The following SEC24B variants were observed in gnomAD, a reference collection of about 807,000 sequenced individuals.
SEC24B encodes SEC24 homolog B, COPII component.
In SEC24B, 45 loss-of-function variants were observed where a neutral mutation model predicts 142.8. That is an observed-to-expected ratio of 0.32 (90% CI 0.25 to 0.40). The LOEUF (loss-of-function observed/expected upper bound fraction) is 0.40, where lower values mean the gene tolerates loss of function less well. Among genes scored for constraint, SEC24B ranks in the 10% least tolerant of loss-of-function variants. SEC24B has a pLI of 1.00. For missense variants in SEC24B, 1,409 were observed against 1,526.8 expected (o/e 0.92, Z 1.29); for synonymous variants, 574 against 568.2 (o/e 1.01, Z -0.15).
chr4:109,479,560 T>C (rs1160563142), intron 3 of SEC24B, among the ~76,000 whole-genome samples: 1 of 152,110 alleles, frequency 6.6e-6, no homozygotes, highest in African/African-American at 2.4e-5. Context: ...CTGTATGTGC[T>C]ATACCCAACC....
At chr4:109,524,323 A>G (rs1216272889) in intron 14 of SEC24B, among the ~76,000 whole-genome samples, 1 of 152,168 alleles carries the variant, frequency 6.6e-6, no homozygotes, top group Non-Finnish European at 1.5e-5. Context: ...ATGTTGTATG[A>G]TGATTAAGAA....
chr4:109,510,100 A>G lies in SEC24B; in HGVS notation c.1765A>G (p.Arg589Gly), dbSNP rs1215200036. ...TTTAGGATTGTTGTTACATCCCTTC[A>G]GAGACCTAACGGTAAAGTAACATTT... ...LPLGLLLHPF[R>G]DLTQLPVITS... Residue 589 changes from arginine to glycine, a missense_variant, in exon 8 of 24, where the codon AGA becomes GGA. By Grantham distance (125) the Arg-to-Gly change is moderately radical. Coordinates refer to ENST00000265175, the MANE Select transcript of SEC24B (RefSeq NM_006323.5). The G allele has an allele frequency of 3.2e-6, 5 of 1,586,458 alleles. No individual in the cohort carries two copies. The highest frequency in any genetic ancestry group is 4.3e-6 in the Non-Finnish European group (5 of 1,159,668).
At chr4:109,434,575 A>G (rs1396959679) in intron 1 of SEC24B, among the ~76,000 whole-genome samples, 1 of 152,204 alleles carries the variant, frequency 6.6e-6, no homozygotes, top group Non-Finnish European at 1.5e-5. Context: ...TTGTAGACAA[A>G]AGGGTGTAAA....
Position 109,521,106 on chromosome 4 carries a change from T to G in SEC24B, c.2246-11T>G, listed in dbSNP as rs1213032660. On this transcript the variant is annotated splice_polypyrimidine_tract_variant and intron_variant, in intron 12 of 23. Coordinates refer to ENST00000265175, the MANE Select transcript of SEC24B (RefSeq NM_006323.5). ...TCGATTTGTTGATTAAAATATGTGTTTTCCCTATAGATGTTTTTCTACCTA... is the reference window on the plus strand; with the variant it reads ...TCGATTTGTTGATTAAAATATGTGTGTTCCCTATAGATGTTTTTCTACCTA... The G allele has an allele frequency of 2.7e-6, 4 of 1,475,314 alleles. No individual in the cohort carries two copies. The highest frequency in any genetic ancestry group is 1.4e-5 in the African/African-American group (1 of 71,754). 91.4% of individuals were successfully genotyped at this position (1,475,314 alleles called of 1,614,324 possible).
intron 11 of SEC24B, among the ~76,000 whole-genome samples, chr4:109,520,049 GT>G (rs1723435292): frequency 1.3e-5 from 2 of 152,094 alleles, no homozygotes; most frequent in Non-Finnish European, 2.9e-5. Flanking sequence ...CATAAATGTG[GT>G]TTTTGTGTAA....
At chr4:109,506,096 G>A (rs896199338) in intron 6 of SEC24B, among the ~76,000 whole-genome samples, 2 of 152,032 alleles carry the variant, frequency 1.3e-5, no homozygotes, top group African/African-American at 2.4e-5. Context: ...ATGTTGAAAA[G>A]CATTGTTGCT....
rs1045783155 is a variant in SEC24B, at chr4:109,540,204, A to G, written c.*529A>G. 1 of 152,788 alleles carries G rather than the reference A, an allele frequency of 6.5e-6. No individual in the cohort carries two copies. Among genetic ancestry groups the G allele is most frequent in the Non-Finnish European group, 1.5e-5 (1 of 68,156 alleles). The allele number at this position is 152,788 out of a possible 1,614,324, so 9.5% of individuals were successfully genotyped here. On this transcript the variant is annotated 3_prime_UTR_variant, in exon 24 of 24. Transcript: ENST00000265175. ...TTTCAGTACATGAACTATAGAAAAAAATCTATATATAATGTACATAAATGT... is the reference window on the plus strand; with the variant it reads ...TTTCAGTACATGAACTATAGAAAAAGATCTATATATAATGTACATAAATGT...
intron 5 of SEC24B, among the ~76,000 whole-genome samples, chr4:109,493,945 T>C (rs751823894): frequency 6.6e-6 from 1 of 152,208 alleles, no homozygotes; most frequent in Non-Finnish European, 1.5e-5. Context: ...CTGCAAATAA[T>C]GCATATTTTT....
intron 4 of SEC24B, among the ~76,000 whole-genome samples, chr4:109,482,875 G>A (rs1193848625): frequency 7.4e-6 from 1 of 135,982 alleles, no homozygotes; most frequent in Non-Finnish European, 1.6e-5. Flanking sequence ...CAGGGAATCC[G>A]CCCACCTCAA....
At chr4:109,434,044 G>A (rs1728126420) in intron 1 of SEC24B, 42 bp downstream of exon 1, 1 of 1,062,514 alleles carries the variant, frequency 9.4e-7, no homozygotes. Context: ...CCTAGCACCG[G>A]CTGGGCGGCC....
At chr4:109,530,917 A>AAAAG in intron 19 of SEC24B, among the ~76,000 whole-genome samples, 1 of 151,056 alleles carries the variant, frequency 6.6e-6, no homozygotes, top group Non-Finnish European at 1.5e-5. Flanking sequence ...AAAAAAAAAA[A>AAAAG]AAAGAAAAGA....
intron 7 of SEC24B, among the ~76,000 whole-genome samples, chr4:109,508,271 A>G (rs2126040702): frequency 6.6e-6 from 1 of 152,266 alleles, no homozygotes; most frequent in South Asian, 2.1e-4. Flanking sequence ...ACGTAGGTAA[A>G]TGTAGCGTAT....
At position 109,532,696 on chromosome 4, in the gene SEC24B, G is replaced by T; in HGVS notation, c.3448G>T (p.Ala1150Ser). The T allele has an allele frequency of 6.2e-7, 1 of 1,612,576 alleles. No individual in the cohort carries two copies. Among genetic ancestry groups the T allele is most frequent in the Non-Finnish European group, 8.5e-7 (1 of 1,178,594 alleles). The change falls in exon 21 of 24, where the codon GCA becomes TCA. Residue 1150 changes from alanine to serine, a missense_variant. Coordinates refer to ENST00000265175, the MANE Select transcript of SEC24B (RefSeq NM_006323.5). ...ACAGCCACCTCTTCAAAAATTGTCT[G>T]CAGAGAAGCTGACAAGAGAAGGTGC... ...VPQPPLQKLS[A>S]EKLTREGAFL...
At position 109,513,730 on chromosome 4, in the gene SEC24B, T is replaced by G. The variant is rs1468062202; in HGVS notation, c.1904-17T>G. On this transcript the variant is annotated splice_polypyrimidine_tract_variant and intron_variant, in intron 9 of 23. Coordinates refer to ENST00000265175, the MANE Select transcript of SEC24B (RefSeq NM_006323.5). ...ACAAATTGTGTCTCTAAATTTGTAC[T>G]GGGACCTCTTATCTAGTTCCTGAAG... 7.0e-7 allele frequency: 1 copy of G among 1,422,362 alleles called. No homozygotes were observed. The allele number at this position is 1,422,362 out of a possible 1,614,324, so 88.1% of individuals were successfully genotyped here. A position where few individuals can be genotyped will look rare whatever the true frequency, so the allele number is the denominator to read the frequency against.
chr4:109,480,127 G>A (rs1239788719), intron 3 of SEC24B, among the ~76,000 whole-genome samples: 1 of 151,992 alleles, frequency 6.6e-6, no homozygotes, highest in Non-Finnish European at 1.5e-5. Flanking sequence ...ATTTTTCCAT[G>A]ACTTTTTTTA....
chr4:109,519,174 T>C (rs1396939544), intron 11 of SEC24B, among the ~76,000 whole-genome samples: 1 of 152,132 alleles, frequency 6.6e-6, no homozygotes, highest in Non-Finnish European at 1.5e-5. Context: ...AAATACCAGG[T>C]TGATGCATGG....
chr4:109,485,514 T>A (rs1734266734), intron 4 of SEC24B, among the ~76,000 whole-genome samples: 1 of 152,228 alleles, frequency 6.6e-6, no homozygotes. Flanking sequence ...CTTACTCCTG[T>A]GTTTTTTTCT....
chr4:109,506,624 G>A, intron 7 of SEC24B, 112 bp downstream of exon 7: 1 of 774,874 alleles, frequency 1.3e-6, no homozygotes, highest in Non-Finnish European at 1.9e-6. Context: ...CATTAATGTT[G>A]ACTTTTCTCT....
chr4:109,495,388 C>T (rs894398519), intron 6 of SEC24B, among the ~76,000 whole-genome samples: 13 of 152,140 alleles, frequency 8.5e-5, no homozygotes, highest in African/African-American at 2.4e-4. Flanking sequence ...GGGTCTAAAC[C>T]GGTGGTTCGT....
Sources: gnomAD v4.1 joint callset for allele counts (sites outside exome capture counted in the v4.1 genomes callset) on GRCh38, gnomAD v4.1.1 for gene constraint, MANE v1.5 for transcripts, NCBI Gene and HGNC (gene_info 2026-07-23, HGNC 2026-07-21) for gene names.